Variants in TARBP1 observed in about 807,000 individuals in gnomAD.
TARBP1 encodes the protein tRNA (guanosine(18)-2'-O)-methyltransferase TARBP1.
TARBP1 carries 144 observed loss-of-function variants against 178.6 expected under a neutral mutation model. The observed-to-expected ratio is 0.81, with a 90% CI of 0.70 to 0.93. The LOEUF (loss-of-function observed/expected upper bound fraction) is 0.93. TARBP1 is among the 40% of genes least tolerant of loss of function. The pLI is 0.00. For synonymous variants in TARBP1, 787 were observed against 781.0 expected (o/e 1.01, Z -0.13); for missense variants, 2,067 against 2,011.7 (o/e 1.03, Z -0.53).
chr1:234,436,422 A>T (rs1665037445), intron 13 of TARBP1, among the ~76,000 whole-genome samples: 1 of 152,238 alleles, frequency 6.6e-6, no homozygotes, highest in Non-Finnish European at 1.5e-5. Context: ...GGTGTACTAG[A>T]ATTCATATTA....
chr1:234,464,305 T>C (rs1402082334), intron 5 of TARBP1, among the ~76,000 whole-genome samples: 6 of 152,234 alleles, frequency 3.9e-5, no homozygotes, highest in Admixed American at 2.6e-4. Context: ...TTTAAATTTT[T>C]AGGTCTAAAA....
chr1:234,469,076 T>TA (rs1558255953), intron 3 of TARBP1, among the ~76,000 whole-genome samples: 986 of 12,222 alleles, frequency 0.081, 15 homozygotes, highest in African/African-American at 0.27. Flanking sequence ...TTTTTTTTTT[T>TA]TAAAAAAAAA....
Position 234,446,949 on chromosome 1 carries a change from A to C in TARBP1, c.1988T>G (p.Leu663Trp). 1 of 1,613,704 alleles carries C rather than the reference A, an allele frequency of 6.2e-7. No individual in the cohort carries two copies. Among genetic ancestry groups the C allele is most frequent in the Non-Finnish European group, 8.5e-7 (1 of 1,179,774 alleles). The change falls in exon 12 of 30, where the codon TTG becomes TGG. Residue 663 changes from leucine to tryptophan, a missense_variant. By Grantham distance (61) the Leu-to-Trp change is moderately conservative. Transcript: ENST00000040877. The stretch of plus-strand genomic sequence containing the variant: ...CAGAAGAGGGTCTAAGAATATCCGC[A>C]ATACATTCTCTGTTCTCTGCTTTCC... ...YSGKQRTENVLRIFLDPLLDV... is the reference protein window; with the variant it reads ...YSGKQRTENVWRIFLDPLLDV...
intron 10 of TARBP1, 145 bp downstream of exon 10, chr1:234,450,283 T>TC (rs1666614210): frequency 1.2e-5 from 7 of 573,596 alleles, no homozygotes; most frequent in Non-Finnish European, 2.0e-5. Flanking sequence ...TACTTTTTTT[T>TC]CACATTATTT....
chr1:234,464,199 A>G (rs1668194733), intron 5 of TARBP1, among the ~76,000 whole-genome samples: 1 of 152,232 alleles, frequency 6.6e-6, no homozygotes, highest in Non-Finnish European at 1.5e-5. Flanking sequence ...TCCCTTCCAC[A>G]TATATGAATC....
intron 4 of TARBP1, among the ~76,000 whole-genome samples, chr1:234,466,720 A>T (rs1668476701): frequency 6.6e-6 from 1 of 151,886 alleles, no homozygotes; most frequent in South Asian, 2.1e-4. Flanking sequence ...AAAATTAGCC[A>T]GGTGTGGTGG....
intron 1 of TARBP1, 53 bp from the exon 2 acceptor site, chr1:234,472,864 T>C: frequency 7.5e-7 from 1 of 1,339,084 alleles, no homozygotes; most frequent in Non-Finnish European, 1.0e-6. Flanking sequence ...ATTTCATAAG[T>C]TTCTCAATGA....
intron 7 of TARBP1, 36 bp downstream of exon 7, chr1:234,460,223 GCA>G: frequency 6.4e-7 from 1 of 1,567,268 alleles, no homozygotes; most frequent in South Asian, 1.2e-5. Flanking sequence ...GAAAGTCATG[GCA>G]AATAACCATA....
In TARBP1 at chr1:234,430,129, G is replaced by T; in HGVS notation, c.2567C>A (p.Ala856Glu). Reference sequence around the variant, plus strand: ...GTGAGCATAACTGCTCTGCTCCTCTGCGTGGGGCTTCTGCAGCGTCTGATT... The same window carrying T: ...GTGAGCATAACTGCTCTGCTCCTCTTCGTGGGGCTTCTGCAGCGTCTGATT... ...QLNQTLQKPH[A>E]EEQSSYAHPL... The change falls in exon 15 of 30, where the codon GCA becomes GAA. Residue 856 changes from alanine (A) to glutamate (E), a missense_variant. Transcript: ENST00000040877. The T allele has an allele frequency of 6.2e-7, 1 of 1,614,160 alleles. No homozygotes were observed. Among genetic ancestry groups the T allele is most frequent in the Non-Finnish European group, 8.5e-7 (1 of 1,180,024 alleles).
chr1:234,427,272 T>C, intron 19 of TARBP1, 45 bp downstream of exon 19: 1 of 1,364,860 alleles, frequency 7.3e-7, no homozygotes, highest in Admixed American at 2.0e-5. Flanking sequence ...GTTAAATTTT[T>C]AGTATCTCAT....
chr1:234,476,530 G>T (rs922832630), intron 1 of TARBP1, among the ~76,000 whole-genome samples: 3 of 152,212 alleles, frequency 2.0e-5, no homozygotes, highest in African/African-American at 7.2e-5. Flanking sequence ...TTTTGTAGAG[G>T]AAAGATTTAG....
rs118038716 is a variant in TARBP1 at position 234,452,098 on chromosome 1, T to C, written c.1723-1532A>G. On this transcript the variant is annotated intron_variant, in intron 9 of 29. Transcript: ENST00000040877. The stretch of plus-strand genomic sequence containing the variant: ...CAACTAAACTCTAATTCATATTTGA[T>C]TTTTTTCTTTCCCTCTATCAAATCT... Among the ~76,000 whole-genome samples the C allele has an allele frequency of 8.5e-5, 13 of 152,288 alleles. No homozygotes were observed. The East Asian group carries it at 2.5e-3, about 29-fold the overall frequency.
At chr1:234,410,048 T>C (rs1661639768) in intron 23 of TARBP1, among the ~76,000 whole-genome samples, 1 of 152,228 alleles carries the variant, frequency 6.6e-6, no homozygotes, top group Admixed American at 6.5e-5. Context: ...CAGCTTTTAA[T>C]AGTCTGGCCA....
chr1:234,398,830 AAC>A (rs879610620), intron 25 of TARBP1, among the ~76,000 whole-genome samples: 3 of 152,190 alleles, frequency 2.0e-5, no homozygotes, highest in Non-Finnish European at 4.4e-5. Flanking sequence ...GCCTAATAAA[AAC>A]AGTGTTTCAG....
chr1:234,456,479 G>C (rs2103246817), intron 9 of TARBP1, among the ~76,000 whole-genome samples: 1 of 152,346 alleles, frequency 6.6e-6, no homozygotes, highest in African/African-American at 2.4e-5. Flanking sequence ...ACTGTGCCCA[G>C]CCCAGTGTTA....
intron 10 of TARBP1, 152 bp downstream of exon 10, chr1:234,450,276 T>C: frequency 7.4e-6 from 4 of 543,794 alleles, no homozygotes; most frequent in Non-Finnish European, 1.2e-5. Context: ...GTATCTTTAC[T>C]TTTTTTTCAC....
chr1:234,437,637 T>G (rs918752775), intron 12 of TARBP1, among the ~76,000 whole-genome samples: 33 of 152,224 alleles, frequency 2.2e-4, no homozygotes, highest in African/African-American at 8.0e-4. Context: ...ACAGAATGCA[T>G]GACGCAGCTA....
chr1:234,430,130 C>T lies in TARBP1; in HGVS notation c.2566G>A (p.Ala856Thr), dbSNP rs149931337. 5.0e-6 allele frequency: 8 copies of T among 1,614,176 alleles called. 1 individual carries two copies. The highest frequency in any genetic ancestry group is 2.2e-5 in the South Asian group (2 of 91,086). ...TGAGCATAACTGCTCTGCTCCTCTG[C>T]GTGGGGCTTCTGCAGCGTCTGATTG... ...QLNQTLQKPH[A>T]EEQSSYAHPL... is the part of the protein sequence containing the mutation. Residue 856 changes from alanine (A) to threonine (T), a missense_variant, in exon 15 of 30, where the codon GCA becomes ACA. Physicochemically the swap from Ala to Thr is moderately conservative, Grantham distance 58 (BLOSUM62 0). Coordinates refer to ENST00000040877, the MANE Select transcript of TARBP1 (RefSeq NM_005646.4).
chr1:234,478,100 T>A lies in TARBP1; in HGVS notation c.931+73A>T. 2 of 1,472,152 alleles carry A rather than the reference T, an allele frequency of 1.4e-6. 1 individual carries two copies. The highest frequency in any genetic ancestry group is 3.9e-5 in the Admixed American group (2 of 51,836). 91.2% of individuals were successfully genotyped at this position (1,472,152 alleles called of 1,614,324 possible). A position where few individuals can be genotyped will look rare whatever the true frequency, so the allele number is the denominator to read the frequency against. On this transcript the variant is annotated intron_variant, in intron 1 of 29. Transcript: ENST00000040877. ...AGTGACGACCCCGATAAGCTAGTTT[T>A]TAGAAGCAGGAAGACTCCCCTCTGG... is the stretch of plus-strand genomic sequence containing the variant.
Sources: allele counts gnomAD v4.1 joint callset (sites outside exome capture counted in the v4.1 genomes callset), GRCh38; gene constraint gnomAD v4.1.1; transcripts MANE v1.5; gene names NCBI Gene and HGNC (gene_info 2026-07-23, HGNC 2026-07-21).